The following USP26 variants were observed in gnomAD, a reference collection of about 807,000 sequenced individuals.
The protein encoded by USP26 is ubiquitin carboxyl-terminal hydrolase 26.
For synonymous variants in USP26, 236 were observed against 240.6 expected, an observed-to-expected ratio of 0.98 and a Z score of 0.18; for missense variants, 649 against 642.3, an observed-to-expected ratio of 1.01 and a Z score of -0.11.
At position 133,073,815 on chromosome X, in the gene USP26, G is replaced by A. The variant is rs138769059; in HGVS notation, c.-77+9892C>T. ...TCTAAGTAATAACATTCACCACTTAGTTGCATGACATTTCTTCCTAAATAT... is the reference window on the plus strand; with the variant it reads ...TCTAAGTAATAACATTCACCACTTAATTGCATGACATTTCTTCCTAAATAT... On this transcript the variant is annotated intron_variant, in intron 5 of 5. Coordinates refer to ENST00000511190, the MANE Select transcript of USP26 (RefSeq NM_031907.3). 5.2e-3 allele frequency among the ~76,000 whole-genome samples: 578 copies of A among 111,370 alleles called. 2 individuals carry two copies. Among genetic ancestry groups the A allele is most frequent in the Non-Finnish European group, 8.3e-3 (442 of 53,020 alleles).
intron 5 of USP26, among the ~76,000 whole-genome samples, chrX:133,079,394 AGT>A (rs2067562032): frequency 8.9e-6 from 1 of 112,026 alleles, no homozygotes; most frequent in Admixed American, 9.6e-5. Flanking sequence ...AGGAAACGAA[AGT>A]TCAGAGGAGT....
intron 5 of USP26, among the ~76,000 whole-genome samples, chrX:133,030,812 T>C (rs911529139): frequency 4.5e-5 from 5 of 112,245 alleles, no homozygotes; most frequent in African/African-American, 1.6e-4. Flanking sequence ...AAAAATTATT[T>C]TCTTTCAAGT....
chrX:133,070,927 T>C (rs956013945), intron 5 of USP26, among the ~76,000 whole-genome samples: 28 of 111,388 alleles, frequency 2.5e-4, no homozygotes, highest in Non-Finnish European at 5.7e-5. Flanking sequence ...ACTATAAAAT[T>C]AAATGGTGGC....
chrX:133,060,477 A>G (rs1362844515), intron 5 of USP26, among the ~76,000 whole-genome samples: 1 of 112,206 alleles, frequency 8.9e-6, no homozygotes, highest in Non-Finnish European at 1.9e-5. Context: ...TCAAATGCTT[A>G]TATAGAACAT....
intron 5 of USP26, among the ~76,000 whole-genome samples, chrX:133,065,850 A>G (rs2067509928): frequency 8.9e-6 from 1 of 112,084 alleles, no homozygotes; most frequent in Admixed American, 9.5e-5. Flanking sequence ...CTTCTATTCA[A>G]CATAGTATTG....
intron 5 of USP26, among the ~76,000 whole-genome samples, chrX:133,070,987 C>T (rs922087227): frequency 4.5e-5 from 5 of 110,685 alleles, no homozygotes; most frequent in Admixed American, 9.7e-5. Context: ...GAGGCTGAGG[C>T]GGGAGGATCA....
chrX:133,062,726 AC>A (rs772709567), intron 5 of USP26, among the ~76,000 whole-genome samples: 485 of 100,509 alleles, frequency 4.8e-3, no homozygotes, highest in Non-Finnish European at 6.5e-3. Flanking sequence ...AACAAAAAGG[AC>A]CCCCCCGCCA....
At chrX:133,036,113 TA>T (rs1226652607) in intron 5 of USP26, among the ~76,000 whole-genome samples, 1 of 89,157 alleles carries the variant, frequency 1.1e-5, no homozygotes, top group African/African-American at 3.5e-5. Flanking sequence ...CAAGACCCTC[TA>T]AAAAAAATTA....
intron 5 of USP26, among the ~76,000 whole-genome samples, chrX:133,049,930 A>G (rs1418876181): frequency 1.8e-5 from 2 of 112,464 alleles, no homozygotes; most frequent in Non-Finnish European, 3.8e-5. Flanking sequence ...AAACCAGATT[A>G]TGTGTGCATA....
intron 5 of USP26, among the ~76,000 whole-genome samples, chrX:133,058,024 C>T (rs1274744885): frequency 1.0e-5 from 1 of 99,426 alleles, no homozygotes; most frequent in African/African-American, 3.7e-5. Flanking sequence ...ACTACAGGTG[C>T]CCGCCACCAT....
rs1471876728 is a variant in USP26, at chrX:133,026,052, A to G, written c.2169T>C (p.Asp723=). ...IINPTKDLYE[D]KNIRIPERFQ... is the part of the protein sequence containing the mutation. Reference sequence around the variant, plus strand: ...ATCTTTCTGGAATTCTGATATTTTTATCTTCATACAAATCTTTAGTAGGAT... The same window carrying G: ...ATCTTTCTGGAATTCTGATATTTTTGTCTTCATACAAATCTTTAGTAGGAT... Residue 723 remains aspartate, a synonymous_variant, in exon 6 of 6, where the codon GAT becomes GAC. Transcript: ENST00000511190. The G allele has an allele frequency of 8.3e-7, 1 of 1,207,981 alleles. No individual in the cohort carries two copies. Among genetic ancestry groups the G allele is most frequent in the African/African-American group, 1.8e-5 (1 of 56,941 alleles).
In USP26 at chrX:133,069,972, A is replaced by G. The variant is rs760047794; in HGVS notation, c.-77+13735T>C. 1.2e-4 allele frequency among the ~76,000 whole-genome samples: 13 copies of G among 112,013 alleles called. No homozygotes were observed. The East Asian group carries it at 2.5e-3, about 22-fold the overall frequency. On this transcript the variant is annotated intron_variant, in intron 5 of 5. Transcript: ENST00000511190. ...TGACCCAAGAAGAGATGGAAGTTGA[A>G]GTACAGTGGCTGAAGTTGCAGAAGC...
intron 4 of USP26, among the ~76,000 whole-genome samples, chrX:133,087,047 T>C (rs2067592129): frequency 9.0e-6 from 1 of 111,297 alleles, no homozygotes; most frequent in Non-Finnish European, 1.9e-5. Flanking sequence ...TTCTTAAAGG[T>C]ATAGATAGCT....
rs1281981890 is a variant in USP26 at position 133,025,820 on chromosome X, C to T, written c.2401G>A (p.Asp801Asn). 8.3e-7 allele frequency: 1 copy of T among 1,210,535 alleles called. No homozygotes were observed. Among genetic ancestry groups the T allele is most frequent in the East Asian group, 3.0e-5 (1 of 33,793 alleles). ...TTAGATTTTATCTTATCTAAAATGT[C>T]TTTGTTTCTTGGATTCTTATTGGAA... ...LGSNKNPRNK[D>N]ILDKIKSKAK... is the part of the protein sequence containing the mutation. The change falls in exon 6 of 6, where the codon GAC becomes AAC. Residue 801 changes from aspartate (D) to asparagine (N), a missense_variant. Transcript: ENST00000511190.
At chrX:133,035,255 G>C (rs2067392200) in intron 5 of USP26, among the ~76,000 whole-genome samples, 1 of 112,361 alleles carries the variant, frequency 8.9e-6, no homozygotes, top group Non-Finnish European at 1.9e-5. Flanking sequence ...TACTAAGTGG[G>C]AGATAACTGG....
Position 133,026,344 on chromosome X carries a change from T to C in USP26, c.1877A>G (p.Gln626Arg). The change falls in exon 6 of 6, where the codon CAA becomes CGA. Residue 626 changes from glutamine (Q) to arginine (R), a missense_variant. Transcript: ENST00000511190. ...VFKGASRRQQ[Q>R]KYLGKNSKPN... ...TTTAGAATTTTTTCCAAGGTACTTTTGCTGCTGTCTTCTGCTTGCCCCTTT... is the reference window on the plus strand; with the variant it reads ...TTTAGAATTTTTTCCAAGGTACTTTCGCTGCTGTCTTCTGCTTGCCCCTTT... 1 of 1,206,101 alleles carries C rather than the reference T, an allele frequency of 8.3e-7. No homozygotes were observed. Among genetic ancestry groups the C allele is most frequent in the South Asian group, 1.8e-5 (1 of 56,667 alleles).
chrX:133,064,208 G>A (rs1278057925), intron 5 of USP26, among the ~76,000 whole-genome samples: 1 of 111,872 alleles, frequency 8.9e-6, no homozygotes, highest in East Asian at 2.8e-4. Context: ...ACCCAATACA[G>A]GAGCACCCAG....
rs747292705 is a variant in USP26 at position 133,029,719 on chromosome X, T to A, written c.-76-1423A>T. Among the ~76,000 whole-genome samples, 186 of 112,261 alleles carry A rather than the reference T, an allele frequency of 1.7e-3. 2 individuals are homozygous for A. The highest frequency in any genetic ancestry group is 5.7e-3 in the African/African-American group (176 of 30,960). ...CCAGCTCATCTGTATTTATCAAAAA[T>A]TATTATCTTCTTTCTATTGGTAGAT... On this transcript the variant is annotated intron_variant, in intron 5 of 5. Transcript: ENST00000511190.
At chrX:133,044,992 T>C (rs1324774597) in intron 5 of USP26, among the ~76,000 whole-genome samples, 1 of 111,578 alleles carries the variant, frequency 9.0e-6, no homozygotes, top group African/African-American at 3.2e-5. Flanking sequence ...AGAACCTTTT[T>C]GTCTAGCTAC....
Sources: gnomAD v4.1 joint callset for allele counts (sites outside exome capture counted in the v4.1 genomes callset) on GRCh38, gnomAD v4.1.1 for gene constraint, MANE v1.5 for transcripts, NCBI Gene and HGNC (gene_info 2026-07-23, HGNC 2026-07-21) for gene names.